The following SMOC2 variants were observed in gnomAD, a reference collection of about 807,000 sequenced individuals.
SMOC2 encodes SPARC related modular calcium binding 2, also known as SPARC-related modular calcium-binding protein 2.
A neutral mutation model predicts 61.4 loss-of-function variants in SMOC2; 39 were observed. That is an observed-to-expected ratio of 0.64 (90% CI 0.49 to 0.83). The LOEUF (loss-of-function observed/expected upper bound fraction) is 0.83, where lower values mean the gene tolerates loss of function less well. Among genes scored for constraint, SMOC2 ranks in the 40% least tolerant of loss-of-function variants. SMOC2 has a pLI of 0.00. For missense variants in SMOC2, 556 were observed against 592.9 expected (o/e 0.94, Z 0.65); for synonymous variants, 247 against 239.9 (o/e 1.03, Z -0.27).
chr6:168,647,844 C>T (rs936671812), intron 9 of SMOC2, among the ~76,000 whole-genome samples: 1 of 152,148 alleles, frequency 6.6e-6, no homozygotes, highest in African/African-American at 2.4e-5. Flanking sequence ...AAGCATTATT[C>T]CAGGTCCTGG....
chr6:168,608,331 GTTTCC>G, intron 9 of SMOC2, 92 bp downstream of exon 9: 1 of 1,374,420 alleles, frequency 7.3e-7, no homozygotes. Context: ...ATCTGACTCT[GTTTCC>G]CAGGGGGCCT....
chr6:168,515,459 G>A (rs893867954), intron 2 of SMOC2, among the ~76,000 whole-genome samples: 1 of 27,988 alleles, frequency 3.6e-5, no homozygotes, highest in African/African-American at 5.1e-5. Context: ...TCCGCTTTCC[G>A]CTCCACGAGT....
chr6:168,625,670 G>A (rs1487384300), intron 9 of SMOC2, among the ~76,000 whole-genome samples: 1 of 152,166 alleles, frequency 6.6e-6, no homozygotes, highest in Non-Finnish European at 1.5e-5. Context: ...ATTCTTCGAG[G>A]GCGTATACAC....
chr6:168,548,125 G>A (rs1312315475), intron 6 of SMOC2, among the ~76,000 whole-genome samples: 3 of 152,194 alleles, frequency 2.0e-5, no homozygotes, highest in East Asian at 1.9e-4. Flanking sequence ...ACTGCATTAT[G>A]CTTTGCAAAT....
At chr6:168,492,638 T>A (rs1432728951) in intron 1 of SMOC2, among the ~76,000 whole-genome samples, 1 of 152,212 alleles carries the variant, frequency 6.6e-6, no homozygotes, top group African/African-American at 2.4e-5. Context: ...TGAGGTAGGT[T>A]TCTCTAAATC....
chr6:168,557,228 G>A (rs1784271877), intron 7 of SMOC2, among the ~76,000 whole-genome samples: 1 of 152,078 alleles, frequency 6.6e-6, no homozygotes, highest in East Asian at 1.9e-4. Flanking sequence ...AGATTTGTAA[G>A]TTATTAATTT....
Position 168,441,399 on chromosome 6 carries a change from C to T in SMOC2, c.29C>T (p.Pro10Leu), listed in dbSNP as rs1420567835. 2.0e-6 allele frequency: 3 copies of T among 1,509,310 alleles called. No homozygotes were observed. Among genetic ancestry groups the T allele is most frequent in the Non-Finnish European group, 2.6e-6 (3 of 1,133,856 alleles). 93.5% of individuals were successfully genotyped at this position (1,509,310 alleles called of 1,614,324 possible). A position where few individuals can be genotyped will look rare whatever the true frequency, so the allele number is the denominator to read the frequency against. MLLPQLCWL[P>L]LLAGLLPPVP... ...CTGCTCCCCCAGCTCTGCTGGCTGC[C>T]GCTGCTCGCTGGGCTGCTCCCGCCG... The change falls in exon 1 of 13, where the codon CCG (proline) becomes CTG (leucine). Residue 10 changes from proline to leucine, a missense_variant. By Grantham distance (98) the Pro-to-Leu change is moderately conservative. Transcript: ENST00000356284.
chr6:168,595,366 A>T (rs76834761), intron 7 of SMOC2, among the ~76,000 whole-genome samples: 2,299 of 152,256 alleles, frequency 0.015, 82 homozygotes, highest in Admixed American at 0.071. Flanking sequence ...AGGACCTGTC[A>T]TGTGCGAATT....
intron 1 of SMOC2, among the ~76,000 whole-genome samples, chr6:168,502,597 C>A (rs1782756522): frequency 6.6e-6 from 1 of 152,262 alleles, no homozygotes; most frequent in South Asian, 2.1e-4. Flanking sequence ...TCAGGAATGC[C>A]GATGGGACCT....
intron 7 of SMOC2, among the ~76,000 whole-genome samples, chr6:168,581,686 C>T (rs1784922669): frequency 6.6e-6 from 1 of 152,174 alleles, no homozygotes; most frequent in South Asian, 2.1e-4. Context: ...GTCGGATGCA[C>T]CTGTAGACAC....
chr6:168,590,621 G>A (rs1049803905), intron 7 of SMOC2, among the ~76,000 whole-genome samples: 16 of 152,182 alleles, frequency 1.1e-4, no homozygotes, highest in East Asian at 7.7e-4. Context: ...TGCAGCGTGC[G>A]ATGTCTTGAA....
chr6:168,471,575 G>A (rs1371911094), intron 1 of SMOC2, among the ~76,000 whole-genome samples: 1 of 152,186 alleles, frequency 6.6e-6, no homozygotes, highest in Admixed American at 6.5e-5. Flanking sequence ...ATACATGGAA[G>A]TTGAATTGCT....
At position 168,507,559 on chromosome 6, in the gene SMOC2, G is replaced by A. The variant is rs112391465; in HGVS notation, c.85-2356G>A. On this transcript the variant is annotated intron_variant, in intron 1 of 12. Coordinates refer to ENST00000356284, the MANE Select transcript of SMOC2 (RefSeq NM_001166412.2). ...AGGACCTTCCCATGGCACAGCACCC[G>A]AAGGTCATGTCTCCCAGGAGCTGCC... Among the ~76,000 whole-genome samples the A allele has an allele frequency of 7.6e-3, 1,155 of 152,310 alleles. 13 individuals are homozygous for A. The highest frequency in any genetic ancestry group is 0.027 in the African/African-American group (1,112 of 41,574).
In SMOC2 at chr6:168,497,651, C is replaced by T. The variant is rs187006815; in HGVS notation, c.85-12264C>T. Among the ~76,000 whole-genome samples, 147 of 152,280 alleles carry T rather than the reference C, an allele frequency of 9.7e-4. 1 individual carries two copies. The highest frequency in any genetic ancestry group is 3.5e-3 in the African/African-American group (145 of 41,570). On this transcript the variant is annotated intron_variant, in intron 1 of 12. Coordinates refer to ENST00000356284, the MANE Select transcript of SMOC2 (RefSeq NM_001166412.2). ...TTCTCTGGACATTCATGGGACCAAT[C>T]CCCGTTAGGAGCCCGTGGTCTTGTC...
intron 1 of SMOC2, among the ~76,000 whole-genome samples, chr6:168,492,184 A>C (rs1196560705): frequency 6.6e-6 from 1 of 152,244 alleles, no homozygotes; most frequent in Admixed American, 6.5e-5. Context: ...TTACCTATCT[A>C]AATGAGAAAA....
chr6:168,462,982 A>G (rs1309967352), intron 1 of SMOC2, among the ~76,000 whole-genome samples: 4 of 152,188 alleles, frequency 2.6e-5, no homozygotes, highest in Non-Finnish European at 4.4e-5. Flanking sequence ...ATAATAACAC[A>G]CTAAAACTCT....
At chr6:168,502,731 TTTTATTTTAATTTAA>T (rs1225530228) in intron 1 of SMOC2, among the ~76,000 whole-genome samples, 4 of 132,314 alleles carry the variant, frequency 3.0e-5, no homozygotes, top group Non-Finnish European at 6.3e-5. Context: ...TACTTTTTTA[TTTTATTTTAATTTAA>T]TTTAATTTAA....
chr6:168,447,029 ATC>A (rs2114989628), intron 1 of SMOC2, among the ~76,000 whole-genome samples: 1 of 152,272 alleles, frequency 6.6e-6, no homozygotes, highest in Admixed American at 6.5e-5. Flanking sequence ...TTCAGCACAT[ATC>A]TCTGCCCACT....
Position 168,535,612 on chromosome 6 carries a change from G to A in SMOC2, c.463+7885G>A, listed in dbSNP as rs1023042457. On this transcript the variant is annotated intron_variant, in intron 4 of 12. Transcript: ENST00000356284. The surrounding 1 kb of genome is among the most constrained non-coding windows in gnomAD (Gnocchi z 4.6). ...AAAAGACCCACGAAGCATAAAAGCC[G>A]GTGCCACAAAGTCCACCGAAACCCT... 3.9e-5 allele frequency among the ~76,000 whole-genome samples: 6 copies of A among 152,116 alleles called. No individual in the cohort carries two copies. The highest frequency in any genetic ancestry group is 1.4e-4 in the African/African-American group (6 of 41,434).
Sources: allele counts gnomAD v4.1 joint callset (sites outside exome capture counted in the v4.1 genomes callset), GRCh38; gene constraint gnomAD v4.1.1; non-coding constraint Gnocchi (gnomAD v3.1); transcripts MANE v1.5; gene names NCBI Gene and HGNC (gene_info 2026-07-23, HGNC 2026-07-21).